PCDHA2: variants seen among roughly 807,000 people sequenced by gnomAD.
The protein encoded by PCDHA2 is protocadherin alpha 2.
PCDHA2 carries 58 observed loss-of-function variants against 66.0 expected under a neutral mutation model. That is an observed-to-expected ratio of 0.88 (90% CI 0.71 to 1.09). The LOEUF (loss-of-function observed/expected upper bound fraction) is 1.09, where lower values mean the gene tolerates loss of function less well. PCDHA2 is among the 50% of genes least tolerant of loss of function. The pLI is 0.00. For synonymous variants in PCDHA2, 634 were observed against 554.0 expected (o/e 1.14, Z -2.03); for missense variants, 1,267 against 1,242.3 (o/e 1.02, Z -0.30).
rs2082774108 is a variant in PCDHA2 at position 140,868,572 on chromosome 5, C to T, written c.2388+71220C>T. 4 of 152,854 alleles carry T rather than the reference C, an allele frequency of 2.6e-5. No individual in the cohort carries two copies. In the South Asian group the frequency reaches 6.2e-4, roughly 24 times the overall value. 9.5% of individuals were successfully genotyped at this position (152,854 alleles called of 1,614,324 possible). ...TAGTATTTTTATATGAGGAACAACA[C>T]TTTCAGGAAATGTTTAACCCTAGTT... On this transcript the variant is annotated intron_variant, in intron 1 of 3. Coordinates refer to ENST00000526136, the MANE Select transcript of PCDHA2 (RefSeq NM_018905.3).
Position 140,927,866 on chromosome 5 carries a change from A to G in PCDHA2, c.2389-51083A>G, listed in dbSNP as rs1554205166. The G allele has an allele frequency of 2.5e-6, 4 of 1,614,224 alleles. No individual in the cohort carries two copies. In the Admixed American group the frequency reaches 6.7e-5, roughly 27 times the overall value. On this transcript the variant is annotated intron_variant, in intron 1 of 3. Transcript: ENST00000526136. Reference sequence around the variant, plus strand: ...GTCTTTGGTTTAGCTAGCACCGCTAAACTGCTGGTGGAGGTGACTGACGTG... The same window carrying G: ...GTCTTTGGTTTAGCTAGCACCGCTAGACTGCTGGTGGAGGTGACTGACGTG...
intron 1 of PCDHA2, among the ~76,000 whole-genome samples, chr5:140,898,580 T>G (rs541428438): frequency 2.9e-4 from 44 of 152,370 alleles, no homozygotes; most frequent in African/African-American, 1.0e-3. Flanking sequence ...CCATGCTGTT[T>G]TGGTTACTGT....
Position 140,801,777 on chromosome 5 carries a change from C to T in PCDHA2, c.2388+4425C>T, listed in dbSNP as rs372016432. On this transcript the variant is annotated intron_variant, in intron 1 of 3. Coordinates refer to ENST00000526136, the MANE Select transcript of PCDHA2 (RefSeq NM_018905.3). ...TGATGAGGAAATTAAATCCCTTGGA[C>T]TCGTGTTGAAAAAAAATTTAAATCG... 8.1e-6 allele frequency: 13 copies of T among 1,613,778 alleles called. No homozygotes were observed. The highest frequency in any genetic ancestry group is 1.3e-5 in the African/African-American group (1 of 74,854).
intron 3 of PCDHA2, among the ~76,000 whole-genome samples, chr5:141,005,658 C>T (rs1014602554): frequency 6.9e-4 from 96 of 138,640 alleles, no homozygotes; most frequent in African/African-American, 2.4e-3. Flanking sequence ...GTCGAGATCG[C>T]GCCACTGCAC....
At chr5:140,824,096 G>A (rs2150132154) in intron 1 of PCDHA2, 2 of 1,614,190 alleles carry the variant, frequency 1.2e-6, no homozygotes, top group Admixed American at 1.7e-5. Context: ...TTCAGTCCAA[G>A]CCTTCCTCAG....
Position 140,835,579 on chromosome 5 carries a change from C to T in PCDHA2, c.2388+38227C>T, listed in dbSNP as rs2150238736. ...CCCCGCGTTCCCTTCAAGTTGGTGT[C>T]CACCTTCAAGAATTACTATTCATTG... On this transcript the variant is annotated intron_variant, in intron 1 of 3. Transcript: ENST00000526136. 5 of 1,613,798 alleles carry T rather than the reference C, an allele frequency of 3.1e-6. No individual in the cohort carries two copies. The African/African-American group carries it at 5.3e-5, about 17-fold the overall frequency.
chr5:140,874,141 T>C (rs1554167053), intron 1 of PCDHA2, among the ~76,000 whole-genome samples: 1 of 152,248 alleles, frequency 6.6e-6, no homozygotes, highest in South Asian at 2.1e-4. Context: ...TATCTTATAC[T>C]TGTAGAGCCA....
intron 1 of PCDHA2, among the ~76,000 whole-genome samples, chr5:140,905,708 C>T (rs1372981287): frequency 1.1e-4 from 16 of 152,092 alleles, no homozygotes; most frequent in Non-Finnish European, 1.6e-4. Context: ...TTATGATTTC[C>T]TTCAGCAGTG....
chr5:140,850,362 C>T (rs199864758), intron 1 of PCDHA2: 1 of 1,597,838 alleles, frequency 6.3e-7, no homozygotes, highest in South Asian at 1.1e-5. Flanking sequence ...CATCCCGTTC[C>T]GCGTGGGGCT....
At chr5:140,920,616 C>A (rs929240808) in intron 1 of PCDHA2, among the ~76,000 whole-genome samples, 1 of 152,012 alleles carries the variant, frequency 6.6e-6, no homozygotes, top group African/African-American at 2.4e-5. Flanking sequence ...GAGGCCGAGG[C>A]GGATGGATCA....
intron 3 of PCDHA2, among the ~76,000 whole-genome samples, chr5:140,995,481 T>C (rs190039428): frequency 5.9e-5 from 9 of 152,308 alleles, no homozygotes; most frequent in Admixed American, 5.9e-4. Context: ...CATTTAATAT[T>C]TTCAGACTAA....
intron 1 of PCDHA2, among the ~76,000 whole-genome samples, chr5:140,821,244 T>C (rs186951074): frequency 6.6e-6 from 1 of 152,324 alleles, no homozygotes; most frequent in African/African-American, 2.4e-5. Flanking sequence ...AAGTCAAAAC[T>C]TTAACTCTTA....
chr5:140,969,260 C>T (rs782595245), intron 1 of PCDHA2: 11 of 1,614,110 alleles, frequency 6.8e-6, no homozygotes, highest in Non-Finnish European at 6.8e-6. Flanking sequence ...CAGCAGGAAT[C>T]TCACAGGCCA....
At chr5:140,835,434 A>G (rs2150235683) in intron 1 of PCDHA2, 2 of 1,613,730 alleles carry the variant, frequency 1.2e-6, no homozygotes, top group Non-Finnish European at 1.7e-6. Flanking sequence ...TCCACAGTTG[A>G]CTCTCACTTC....
Position 140,923,432 on chromosome 5 carries a change from G to A in PCDHA2, c.2389-55517G>A, listed in dbSNP as rs116357562. Among the ~76,000 whole-genome samples, 1,228 of 152,230 alleles carry A rather than the reference G, an allele frequency of 8.1e-3. 6 individuals are homozygous for A. The highest frequency in any genetic ancestry group is 0.019 in the African/African-American group (793 of 41,542). The stretch of plus-strand genomic sequence containing the variant: ...AATCCTGGCTACTTGGGAGGCTGGG[G>A]TGGGAGGATCACCTGAGCCCAGAGA... On this transcript the variant is annotated intron_variant, in intron 1 of 3. Transcript: ENST00000526136.
At chr5:140,893,381 A>G (rs755671273) in intron 1 of PCDHA2, among the ~76,000 whole-genome samples, 11 of 152,190 alleles carry the variant, frequency 7.2e-5, no homozygotes, top group Non-Finnish European at 1.6e-4. Context: ...TTTATGGGAC[A>G]GTGGCTCATG....
chr5:140,828,207 C>T (rs1769609355), intron 1 of PCDHA2: 4 of 1,614,008 alleles, frequency 2.5e-6, no homozygotes, highest in Non-Finnish European at 3.4e-6. Context: ...CCCGAGGAGG[C>T]CAAACACGGC....
intron 1 of PCDHA2, among the ~76,000 whole-genome samples, chr5:140,924,911 TA>T (rs1563069164): frequency 3.0e-4 from 18 of 59,772 alleles, no homozygotes; most frequent in Middle Eastern, 7.5e-3. Flanking sequence ...AAAAATAAAA[TA>T]AAATAAAATA....
intron 1 of PCDHA2, among the ~76,000 whole-genome samples, chr5:140,938,665 G>A (rs542703903): frequency 7.1e-4 from 108 of 152,106 alleles, no homozygotes; most frequent in Admixed American, 1.2e-3. Context: ...ATTAGACTTA[G>A]TTTCCTAACA....
Sources: gnomAD v4.1 joint callset for allele counts (sites outside exome capture counted in the v4.1 genomes callset) on GRCh38, gnomAD v4.1.1 for gene constraint, MANE v1.5 for transcripts, NCBI Gene and HGNC (gene_info 2026-07-23, HGNC 2026-07-21) for gene names.